Variants in NRP1 observed in about 807,000 individuals in gnomAD.
The protein encoded by NRP1 is neuropilin-1.
A neutral mutation model predicts 106.7 loss-of-function variants in NRP1; 35 were observed. The observed-to-expected ratio is 0.33, with a 90% confidence interval of 0.25 to 0.43. NRP1 has a LOEUF of 0.43. Ranked by LOEUF, NRP1 falls within the 20% of genes least tolerant of loss-of-function variation. The probability of loss-of-function intolerance (pLI) is 1.00; values close to 1 mark genes in which losing one functional copy is unlikely to be tolerated. For synonymous variants in NRP1, 437 were observed against 417.9 expected (o/e 1.05, Z -0.56); for missense variants, 1,024 against 1,170.4 (o/e 0.87, Z 1.83).
At chr10:33,251,710 T>TA (rs1841871380) in intron 6 of NRP1, among the ~76,000 whole-genome samples, 1 of 152,182 alleles carries the variant, frequency 6.6e-6, no homozygotes. Context: ...CATGTAGTCT[T>TA]AGTGTTTTTA....
chr10:33,285,307 A>C (rs1844438507), intron 2 of NRP1, among the ~76,000 whole-genome samples: 1 of 152,220 alleles, frequency 6.6e-6, no homozygotes, highest in African/African-American at 2.4e-5. Flanking sequence ...GGAAGATATA[A>C]TAGACCAAGG....
chr10:33,197,690 G>A lies in NRP1; in HGVS notation c.1884C>T (p.Ala628=), dbSNP rs1836884583. 6.2e-7 allele frequency: 1 copy of A among 1,602,164 alleles called. No homozygotes were observed. Among genetic ancestry groups the A allele is most frequent in the Non-Finnish European group, 8.5e-7 (1 of 1,173,830 alleles). The change falls in exon 12 of 17, where the codon GCC becomes GCT. Residue 628 remains alanine (A), a synonymous_variant. Transcript: ENST00000374867. The part of the protein sequence containing the change: ...FQLTGGTTVL[A]TEKPTVIDST... ...TGTCTATGACCGTGGGCTTTTCTGT[G>A]GCCAGCACAGTGGTGCCACCTGAAA...
At chr10:33,324,221 C>G (rs1847729953) in intron 2 of NRP1, among the ~76,000 whole-genome samples, 1 of 152,142 alleles carries the variant, frequency 6.6e-6, no homozygotes, top group Non-Finnish European at 1.5e-5. Flanking sequence ...AGGAAGAAAG[C>G]AGATAATTAT....
intron 6 of NRP1, among the ~76,000 whole-genome samples, chr10:33,251,383 G>C (rs1041306772): frequency 6.6e-6 from 1 of 151,704 alleles, no homozygotes; most frequent in African/African-American, 2.4e-5. Flanking sequence ...TCTTTATAGC[G>C]GTGTGAGAAC....
intron 13 of NRP1, among the ~76,000 whole-genome samples, 177 bp from the exon 14 acceptor site, chr10:33,186,665 T>G (rs998360097): frequency 2.0e-5 from 3 of 152,160 alleles, no homozygotes; most frequent in Non-Finnish European, 4.4e-5. Context: ...AAGGCCCTGC[T>G]CTCAGCTCTT....
chr10:33,334,526 G>A lies in NRP1; in HGVS notation c.-144C>T. The A allele has an allele frequency of 1.5e-6, 1 of 680,914 alleles. No homozygotes were observed. The highest frequency in any genetic ancestry group is 2.4e-6 in the Non-Finnish European group (1 of 415,396). 42.2% of individuals were successfully genotyped at this position (680,914 alleles called of 1,614,324 possible). A position where few individuals can be genotyped will look rare whatever the true frequency, so the allele number is the denominator to read the frequency against. On this transcript the variant is annotated 5_prime_UTR_variant, in exon 1 of 17. Coordinates refer to ENST00000374867, the MANE Select transcript of NRP1 (RefSeq NM_003873.7). ...CTCAGCCCGTCTTGGAGAAAAGAAA[G>A]CAGCGAGGCAATGCCTGGATCCGAG...
intron 2 of NRP1, among the ~76,000 whole-genome samples, chr10:33,280,837 T>C (rs1028751237): frequency 2.6e-5 from 4 of 151,838 alleles, no homozygotes; most frequent in Non-Finnish European, 5.9e-5. Context: ...CAAAAATTAG[T>C]TGGGCATGGT....
intron 2 of NRP1, among the ~76,000 whole-genome samples, chr10:33,295,699 C>G (rs891929553): frequency 5.3e-5 from 8 of 152,052 alleles, no homozygotes; most frequent in African/African-American, 1.7e-4. Flanking sequence ...TAAAGTGAAA[C>G]CCAGTCTCAA....
At chr10:33,234,842 T>A (rs559277674) in intron 6 of NRP1, among the ~76,000 whole-genome samples, 1 of 152,240 alleles carries the variant, frequency 6.6e-6, no homozygotes, top group Admixed American at 6.5e-5. Flanking sequence ...AACAGATGAA[T>A]TTTCCTACCA....
intron 2 of NRP1, among the ~76,000 whole-genome samples, chr10:33,291,670 T>C (rs963263805): frequency 6.6e-6 from 1 of 152,204 alleles, no homozygotes; most frequent in African/African-American, 2.4e-5. Context: ...AGACGTAAAC[T>C]CAAAGGGATT....
chr10:33,189,068 A>C (rs1199981634), intron 13 of NRP1, among the ~76,000 whole-genome samples: 1 of 151,412 alleles, frequency 6.6e-6, no homozygotes, highest in Admixed American at 6.6e-5. Context: ...ATCCACCCCC[A>C]TCCTGTTTTC....
chr10:33,325,630 T>C (rs1191226107), intron 2 of NRP1, among the ~76,000 whole-genome samples: 2 of 152,206 alleles, frequency 1.3e-5, no homozygotes, highest in South Asian at 2.1e-4. Flanking sequence ...ATTAGCACTG[T>C]TTCAAAGTTT....
chr10:33,283,325 C>G (rs1844279447), intron 2 of NRP1, among the ~76,000 whole-genome samples: 1 of 152,130 alleles, frequency 6.6e-6, no homozygotes, highest in Non-Finnish European at 1.5e-5. Context: ...TACATTCATG[C>G]TTAGAGTACT....
intron 6 of NRP1, among the ~76,000 whole-genome samples, chr10:33,229,772 T>C (rs1302319144): frequency 6.6e-6 from 1 of 152,046 alleles, no homozygotes; most frequent in Admixed American, 6.6e-5. Context: ...CACAGGAAGA[T>C]ACAAAGGCAC....
chr10:33,223,944 T>C (rs1178645805), intron 7 of NRP1, among the ~76,000 whole-genome samples: 1 of 151,522 alleles, frequency 6.6e-6, no homozygotes, highest in Non-Finnish European at 1.5e-5. Context: ...ACTGAGGGAG[T>C]TTTCTGTTTG....
chr10:33,249,180 A>T (rs766184208), intron 6 of NRP1, among the ~76,000 whole-genome samples: 2 of 146,620 alleles, frequency 1.4e-5, no homozygotes, highest in Non-Finnish European at 3.0e-5. Flanking sequence ...CTTTAATTAA[A>T]GCTGGAAGGA....
intron 11 of NRP1, among the ~76,000 whole-genome samples, chr10:33,199,134 C>T (rs1239365118): frequency 1.3e-5 from 2 of 151,988 alleles, no homozygotes; most frequent in Non-Finnish European, 2.9e-5. Flanking sequence ...GTTGAAATTG[C>T]AGTCTCCCAT....
chr10:33,319,400 T>C (rs1383452657), intron 2 of NRP1, among the ~76,000 whole-genome samples: 8 of 151,996 alleles, frequency 5.3e-5, no homozygotes, highest in Non-Finnish European at 2.9e-5. Context: ...AGCTAGAGGT[T>C]TGTAAAATGG....
At chr10:33,321,611 A>G (rs1464433609) in intron 2 of NRP1, among the ~76,000 whole-genome samples, 5 of 152,162 alleles carry the variant, frequency 3.3e-5, no homozygotes, top group African/African-American at 4.8e-5. Flanking sequence ...TGATCTATGT[A>G]AGATTATGAT....
Sources: allele counts gnomAD v4.1 joint callset (sites outside exome capture counted in the v4.1 genomes callset), GRCh38; gene constraint gnomAD v4.1.1; transcripts MANE v1.5; gene names NCBI Gene and HGNC (gene_info 2026-07-23, HGNC 2026-07-21).